ITGBL1: variants seen among roughly 807,000 people sequenced by gnomAD.
ITGBL1 encodes integrin subunit beta like 1, also known as integrin beta-like protein 1.
In ITGBL1, 51 loss-of-function variants were observed where a neutral mutation model predicts 68.5. The ratio of observed to expected loss-of-function variants is 0.74; its 90% confidence interval spans 0.59 to 0.94. The LOEUF (loss-of-function observed/expected upper bound fraction) is 0.94, where lower values mean the gene tolerates loss of function less well. Ranked by LOEUF, ITGBL1 falls within the 40% of genes least tolerant of loss-of-function variation. The pLI, the probability that ITGBL1 is intolerant of heterozygous loss-of-function variation, is 0.00. For missense variants in ITGBL1, 649 were observed against 647.4 expected (o/e 1.00, Z -0.03); for synonymous variants, 209 against 227.3 (o/e 0.92, Z 0.72).
intron 7 of ITGBL1, among the ~76,000 whole-genome samples, chr13:101,599,837 T>C (rs1202012370): frequency 1.3e-5 from 2 of 152,226 alleles, no homozygotes; most frequent in African/African-American, 4.8e-5. Context: ...TTGGTTACTG[T>C]AGCCTTGTAG....
intron 6 of ITGBL1, among the ~76,000 whole-genome samples, chr13:101,584,642 G>T (rs1469653157): frequency 6.6e-6 from 1 of 152,080 alleles, no homozygotes; most frequent in East Asian, 1.9e-4. Context: ...GTGCTCCAGA[G>T]GATTTCCTAA....
intron 2 of ITGBL1, among the ~76,000 whole-genome samples, chr13:101,468,863 A>G (rs1455746201): frequency 6.6e-6 from 1 of 152,206 alleles, no homozygotes; most frequent in African/African-American, 2.4e-5. Flanking sequence ...GTTTTTAGAG[A>G]GATTGCATTT....
In ITGBL1 at chr13:101,514,567, G is replaced by C. The variant is rs140509692; in HGVS notation, c.317-53132G>C. Among the ~76,000 whole-genome samples, 21 of 151,996 alleles carry C rather than the reference G, an allele frequency of 1.4e-4. No homozygotes were observed. The South Asian group carries it at 1.9e-3, about 14-fold the overall frequency. ...GATATTAACAAGCTACTCTACAAAT[G>C]ATGAGAAATATAAAAACAAATTAAT... On this transcript the variant is annotated intron_variant, in intron 2 of 10. Transcript: ENST00000376180.
chr13:101,590,338 C>T (rs1055532239), intron 6 of ITGBL1, among the ~76,000 whole-genome samples: 2 of 152,120 alleles, frequency 1.3e-5, no homozygotes, highest in Non-Finnish European at 2.9e-5. Flanking sequence ...GAACGTTCTC[C>T]CTTCAGTCGT....
chr13:101,705,278 T>C (rs1437416132), intron 8 of ITGBL1, among the ~76,000 whole-genome samples: 1 of 122,820 alleles, frequency 8.1e-6, no homozygotes, highest in African/African-American at 3.1e-5. Flanking sequence ...ATCTCTCTTA[T>C]TTAATTTAAA....
intron 2 of ITGBL1, among the ~76,000 whole-genome samples, chr13:101,532,937 A>G (rs767269116): frequency 2.0e-5 from 3 of 152,198 alleles, no homozygotes; most frequent in African/African-American, 4.8e-5. Flanking sequence ...CACAATTAAC[A>G]ATACATAATA....
At chr13:101,626,198 G>T (rs2031771492) in intron 7 of ITGBL1, among the ~76,000 whole-genome samples, 1 of 151,774 alleles carries the variant, frequency 6.6e-6, no homozygotes, top group East Asian at 1.9e-4. Flanking sequence ...GTGATTTGTA[G>T]TCTTCATAGA....
At chr13:101,713,939 A>G (rs1342515091) in intron 9 of ITGBL1, 2 of 153,252 alleles carry the variant, frequency 1.3e-5, no homozygotes, top group African/African-American at 4.8e-5. Context: ...TAGCCACCCA[A>G]TATGCAGGTG....
chr13:101,480,695 G>A (rs970572703), intron 2 of ITGBL1, among the ~76,000 whole-genome samples: 1 of 151,892 alleles, frequency 6.6e-6, no homozygotes, highest in Non-Finnish European at 1.5e-5. Context: ...TAAATTCAGA[G>A]TAAAAAATCA....
At chr13:101,597,844 G>A (rs776624793) in intron 6 of ITGBL1, among the ~76,000 whole-genome samples, 2 of 151,982 alleles carry the variant, frequency 1.3e-5, no homozygotes, top group African/African-American at 4.8e-5. Context: ...GAGCCACAGC[G>A]CCCGGCCCAA....
At chr13:101,497,946 C>T (rs904547030) in intron 2 of ITGBL1, among the ~76,000 whole-genome samples, 3 of 151,768 alleles carry the variant, frequency 2.0e-5, no homozygotes, top group African/African-American at 7.3e-5. Flanking sequence ...CAGTTTAATA[C>T]GTCTACAGTT....
At chr13:101,547,702 A>G (rs1469952251) in intron 2 of ITGBL1, among the ~76,000 whole-genome samples, 3 of 151,808 alleles carry the variant, frequency 2.0e-5, no homozygotes, top group Non-Finnish European at 4.4e-5. Flanking sequence ...AATAACTAAA[A>G]TATTGGATTG....
chr13:101,631,295 C>A (rs192811040), intron 7 of ITGBL1, among the ~76,000 whole-genome samples: 67 of 152,030 alleles, frequency 4.4e-4, no homozygotes, highest in African/African-American at 1.6e-3. Flanking sequence ...TATTCATCTT[C>A]ACCTTAAGGA....
In ITGBL1 at chr13:101,495,280, T is replaced by A. The variant is rs560324208; in HGVS notation, c.316+41180T>A. Reference sequence around the variant, plus strand: ...TGCTTAGAAATGTCTGATGTGGAAGTGATGGAAATGGTGGGATCTGAGCTG... The same window carrying A: ...TGCTTAGAAATGTCTGATGTGGAAGAGATGGAAATGGTGGGATCTGAGCTG... On this transcript the variant is annotated intron_variant, in intron 2 of 10. Transcript: ENST00000376180. Among the ~76,000 whole-genome samples, 4 of 152,194 alleles carry A rather than the reference T, an allele frequency of 2.6e-5. No homozygotes were observed. In the East Asian group the frequency reaches 7.7e-4, roughly 29 times the overall value.
chr13:101,561,385 T>C (rs2050098059), intron 2 of ITGBL1, among the ~76,000 whole-genome samples: 1 of 152,076 alleles, frequency 6.6e-6, no homozygotes, highest in Non-Finnish European at 1.5e-5. Flanking sequence ...TAAAACAAAA[T>C]CTTTCACTGT....
intron 7 of ITGBL1, among the ~76,000 whole-genome samples, chr13:101,623,561 A>G (rs2031667058): frequency 6.6e-6 from 1 of 152,242 alleles, no homozygotes; most frequent in Non-Finnish European, 1.5e-5. Context: ...GCTCCCATAC[A>G]GATTCCTGGT....
intron 7 of ITGBL1, among the ~76,000 whole-genome samples, chr13:101,637,686 C>T (rs905635571): frequency 1.3e-5 from 2 of 152,116 alleles, no homozygotes; most frequent in Non-Finnish European, 2.9e-5. Context: ...TCTTGGCTGC[C>T]ATCACACCAA....
chr13:101,471,560 G>A (rs866276528), intron 2 of ITGBL1, among the ~76,000 whole-genome samples: 1 of 131,898 alleles, frequency 7.6e-6, no homozygotes, highest in Non-Finnish European at 1.6e-5. Context: ...GTGTGTGTGT[G>A]TGTGTGTGTA....
At position 101,618,025 on chromosome 13, in the gene ITGBL1, G is replaced by A. The variant is rs532169605; in HGVS notation, c.1015+19726G>A. 2.9e-3 allele frequency among the ~76,000 whole-genome samples: 446 copies of A among 152,216 alleles called. 2 individuals are homozygous for A. The highest frequency in any genetic ancestry group is 0.01 in the African/African-American group (426 of 41,530). ...TGATTAGTTACATTGGCAATATAAG[G>A]TAACTAGAGAATCTTCCTAGTATTC... is the stretch of plus-strand genomic sequence containing the variant. On this transcript the variant is annotated intron_variant, in intron 7 of 10. Transcript: ENST00000376180.
Sources: allele counts gnomAD v4.1 joint callset (sites outside exome capture counted in the v4.1 genomes callset), GRCh38; gene constraint gnomAD v4.1.1; transcripts MANE v1.5; gene names NCBI Gene and HGNC (gene_info 2026-07-23, HGNC 2026-07-21).